Variants in PIKFYVE observed in about 807,000 individuals in gnomAD.
The protein encoded by PIKFYVE is 1-phosphatidylinositol 3-phosphate 5-kinase.
A neutral mutation model predicts 257.9 loss-of-function variants in PIKFYVE; 122 were observed. The observed-to-expected ratio is 0.47, with a 90% CI of 0.41 to 0.55. The LOEUF is 0.55. Ranked by LOEUF, PIKFYVE falls within the 20% of genes least tolerant of loss-of-function variation. PIKFYVE has a pLI of 0.00. For missense variants in PIKFYVE, 2,160 were observed against 2,536.6 expected (o/e 0.85, Z 3.19); for synonymous variants, 892 against 868.9 (o/e 1.03, Z -0.47).
At chr2:208,348,329 C>CTTT (rs1329888897) in intron 35 of PIKFYVE, among the ~76,000 whole-genome samples, 2 of 152,200 alleles carry the variant, frequency 1.3e-5, no homozygotes, top group Non-Finnish European at 2.9e-5. Context: ...AAACATTTGT[C>CTTT]TTAATATGTA....
At chr2:208,298,491 G>C in intron 7 of PIKFYVE, 150 bp from the exon 8 acceptor site, 1 of 991,690 alleles carries the variant, frequency 1.0e-6, no homozygotes, top group Non-Finnish European at 1.5e-6. Flanking sequence ...TTCTCCCAAT[G>C]ATAATATCAT....
chr2:208,279,535 CT>C (rs1690536257), intron 5 of PIKFYVE, among the ~76,000 whole-genome samples: 1 of 152,128 alleles, frequency 6.6e-6, no homozygotes, highest in African/African-American at 2.4e-5. Flanking sequence ...AGTTTGAGGT[CT>C]TATATTTAAA....
intron 7 of PIKFYVE, among the ~76,000 whole-genome samples, chr2:208,290,390 G>C (rs1692157590): frequency 6.6e-6 from 1 of 152,144 alleles, no homozygotes; most frequent in Admixed American, 6.5e-5. Flanking sequence ...AGACTTTTCG[G>C]ATAGGCTTCT....
At chr2:208,276,452 G>C (rs899832020) in intron 3 of PIKFYVE, among the ~76,000 whole-genome samples, 1 of 152,102 alleles carries the variant, frequency 6.6e-6, no homozygotes, top group African/African-American at 2.4e-5. Flanking sequence ...TTCCAGGCCT[G>C]AAAACCATCA....
intron 3 of PIKFYVE, among the ~76,000 whole-genome samples, chr2:208,275,365 TA>T (rs1176655520): frequency 6.6e-6 from 1 of 152,226 alleles, no homozygotes. Flanking sequence ...CTTATATTCC[TA>T]ATTGGCTAAA....
intron 17 of PIKFYVE, among the ~76,000 whole-genome samples, chr2:208,322,767 T>C (rs1696417347): frequency 1.3e-5 from 2 of 151,658 alleles, no homozygotes; most frequent in African/African-American, 4.8e-5. Context: ...TACATATGTA[T>C]ACATATGCCA....
chr2:208,327,409 T>C (rs2125600984), intron 20 of PIKFYVE, among the ~76,000 whole-genome samples: 1 of 152,328 alleles, frequency 6.6e-6, no homozygotes, highest in Non-Finnish European at 1.5e-5. Context: ...TTTAAGAATA[T>C]ATGTACAAAG....
At chr2:208,340,427 T>A (rs1409322332) in intron 31 of PIKFYVE, among the ~76,000 whole-genome samples, 1 of 152,224 alleles carries the variant, frequency 6.6e-6, no homozygotes, top group Non-Finnish European at 1.5e-5. Context: ...ATCCACTGAT[T>A]TAATAATTAT....
intron 9 of PIKFYVE, among the ~76,000 whole-genome samples, chr2:208,301,435 T>G (rs1693668014): frequency 6.6e-6 from 1 of 152,220 alleles, no homozygotes; most frequent in African/African-American, 2.4e-5. Flanking sequence ...TAACCTGTGT[T>G]GAGTATTTGA....
Position 208,298,750 on chromosome 2 carries a change from A to C in PIKFYVE, c.1021A>C (p.Thr341Pro). The C allele has an allele frequency of 1.9e-6, 3 of 1,614,160 alleles. No individual in the cohort carries two copies. Among genetic ancestry groups the C allele is most frequent in the East Asian group, 2.2e-5 (1 of 44,882 alleles). Residue 341 changes from threonine to proline, a missense_variant, in exon 8 of 42, where the codon ACC (threonine) becomes CCC (proline). Thr to Pro is a conservative substitution (Grantham distance 38, BLOSUM62 -1). Around this residue, in one of 12 missense-constraint regions of PIKFYVE, gnomAD observed 187 missense variants for 185.6 expected, o/e 1.01. Transcript: ENST00000264380. ...QANRTYVRTE[T>P]TEDERKILLD... ...TAACCGAACATATGTTAGGACAGAG[A>C]CCACTGAGGATGAACGCAAAATTCT...
At chr2:208,314,557 A>G in intron 14 of PIKFYVE, 134 bp downstream of exon 14, 1 of 1,081,114 alleles carries the variant, frequency 9.2e-7, no homozygotes, top group Non-Finnish European at 1.3e-6. Flanking sequence ...TACTAAGGTT[A>G]CTTAGGAAAT....
chr2:208,347,963 T>C lies in PIKFYVE; in HGVS notation c.5314T>C (p.Tyr1772His), dbSNP rs1559171475. ...RETLRGADSA[Y>H]YQVGQTGKEG... ...GACCTTACGTGGAGCAGATAGTGCT[T>C]ACTACCAGGTTGGGCAGACGGGCAA... The change falls in exon 35 of 42, where the codon TAC becomes CAC. Residue 1772 changes from tyrosine to histidine, a missense_variant. By Grantham distance (83) the Tyr-to-His change is moderately conservative. Coordinates refer to ENST00000264380, the MANE Select transcript of PIKFYVE (RefSeq NM_015040.4). 1 of 1,614,152 alleles carries C rather than the reference T, an allele frequency of 6.2e-7. No individual in the cohort carries two copies. Among genetic ancestry groups the C allele is most frequent in the Non-Finnish European group, 8.5e-7 (1 of 1,179,974 alleles).
intron 14 of PIKFYVE, 94 bp downstream of exon 14, chr2:208,314,517 C>A (rs1695261822): frequency 1.6e-5 from 22 of 1,349,564 alleles, no homozygotes; most frequent in Non-Finnish European, 2.2e-5. Context: ...AAAGGGAGGT[C>A]TTTTTCTTTT....
intron 30 of PIKFYVE, 148 bp downstream of exon 30, chr2:208,339,703 A>G: frequency 8.6e-7 from 1 of 1,166,640 alleles, no homozygotes; most frequent in East Asian, 2.6e-5. Context: ...TTAGGTGGTA[A>G]CTACTTAAAT....
intron 16 of PIKFYVE, 30 bp downstream of exon 16, chr2:208,317,971 C>T (rs763780271): frequency 6.9e-6 from 11 of 1,588,824 alleles, no homozygotes; most frequent in Non-Finnish European, 9.5e-6. Context: ...CAGTGAAGTT[C>T]AGCAAACCAT....
At chr2:208,299,351 G>A (rs146043708) in intron 8 of PIKFYVE, among the ~76,000 whole-genome samples, 64 of 151,856 alleles carry the variant, frequency 4.2e-4, no homozygotes, top group African/African-American at 1.4e-3. Flanking sequence ...GTGCAGTGGC[G>A]CAATCTCGGC....
intron 27 of PIKFYVE, 38 bp downstream of exon 27, chr2:208,336,238 C>T: frequency 6.2e-7 from 1 of 1,610,138 alleles, no homozygotes; most frequent in Non-Finnish European, 8.5e-7. Flanking sequence ...AATATTATTG[C>T]CACATTTGTT....
chr2:208,322,700 TA>T (rs1256067329), intron 17 of PIKFYVE, among the ~76,000 whole-genome samples: 3 of 151,342 alleles, frequency 2.0e-5, no homozygotes, highest in African/African-American at 7.3e-5. Context: ...TATATATATA[TA>T]TTTTTTTTAT....
intron 6 of PIKFYVE, among the ~76,000 whole-genome samples, 166 bp from the exon 7 acceptor site, chr2:208,288,563 C>CT (rs1302724095): frequency 6.6e-6 from 1 of 152,180 alleles, no homozygotes; most frequent in East Asian, 1.9e-4. Context: ...ACTGCAAAAA[C>CT]TATCATTCAT....
Sources: gnomAD v4.1 joint callset for allele counts (sites outside exome capture counted in the v4.1 genomes callset) on GRCh38, gnomAD v4.1.1 for gene constraint, gnomAD v4.1.1 regional missense constraint, MANE v1.5 for transcripts, NCBI Gene and HGNC (gene_info 2026-07-23, HGNC 2026-07-21) for gene names.